Variants in GPR19 observed in about 807,000 individuals in gnomAD.
GPR19 encodes the protein probable G protein-coupled receptor 19.
GPR19 carries 14 observed loss-of-function variants against 28.5 expected under a neutral mutation model. That is an observed-to-expected ratio of 0.49 (90% confidence interval 0.32 to 0.77). The LOEUF (loss-of-function observed/expected upper bound fraction) is 0.77, where lower values mean the gene tolerates loss of function less well. GPR19 is among the 30% of genes least tolerant of loss of function. The pLI is 0.03. For missense variants in GPR19, 409 were observed against 504.1 expected (o/e 0.81, Z 1.81); for synonymous variants, 173 against 184.1 (o/e 0.94, Z 0.49).
chr12:12,689,190 T>C (rs773503632), intron 2 of GPR19, among the ~76,000 whole-genome samples: 1 of 152,170 alleles, frequency 6.6e-6, no homozygotes, highest in Non-Finnish European at 1.5e-5. Flanking sequence ...TCACTCACTA[T>C]AGTAAGAACA....
At chr12:12,710,208 C>G in the GPR19 span, among the ~76,000 whole-genome samples, 1 of 152,080 alleles carries the variant, frequency 6.6e-6, no homozygotes, top group East Asian at 1.9e-4. Flanking sequence ...AAAAAATTAG[C>G]TGGGCCTGGT....
chr12:12,691,626 T>C (rs1258412984), intron 2 of GPR19, among the ~76,000 whole-genome samples: 1 of 152,262 alleles, frequency 6.6e-6, no homozygotes, highest in Non-Finnish European at 1.5e-5. Flanking sequence ...ATATGTCATA[T>C]TGCATTGACT....
intron 2 of GPR19, among the ~76,000 whole-genome samples, chr12:12,686,923 T>A (rs1490763815): frequency 6.6e-6 from 1 of 152,144 alleles, no homozygotes; most frequent in Non-Finnish European, 1.5e-5. Flanking sequence ...TTGTAAGGAG[T>A]CATAACCCAA....
intron 3 of GPR19, among the ~76,000 whole-genome samples, chr12:12,664,003 C>CT (rs968481122): frequency 7.9e-5 from 12 of 151,804 alleles, no homozygotes; most frequent in African/African-American, 1.9e-4. Flanking sequence ...CTAATATTTT[C>CT]TTTTTTTTGA....
chr12:12,698,987 A>G (rs1480710434), upstream of GPR19, among the ~76,000 whole-genome samples: 1 of 152,182 alleles, frequency 6.6e-6, no homozygotes, highest in Non-Finnish European at 1.5e-5. Flanking sequence ...AGGGAAGATG[A>G]AAAATTTGGT....
upstream of GPR19, among the ~76,000 whole-genome samples, chr12:12,697,851 C>G (rs74061761): frequency 0.028 from 4,321 of 152,142 alleles, 197 homozygotes; most frequent in African/African-American, 0.098. Flanking sequence ...TGAGAAGTAA[C>G]TTTAAAATTC....
intron 3 of GPR19, among the ~76,000 whole-genome samples, chr12:12,676,111 C>A (rs1945927375): frequency 6.6e-6 from 1 of 152,044 alleles, no homozygotes; most frequent in African/African-American, 2.4e-5. Context: ...ATTAGAAAAC[C>A]AAAAATCTTA....
intron 3 of GPR19, among the ~76,000 whole-genome samples, chr12:12,673,882 G>A (rs1209148004): frequency 6.6e-6 from 1 of 152,070 alleles, no homozygotes; most frequent in African/African-American, 2.4e-5. Context: ...GCACATTTAT[G>A]TTTTAAAAAT....
the GPR19 span, chr12:12,716,843 G>GT: frequency 1.0e-6 from 1 of 984,592 alleles, no homozygotes; most frequent in Non-Finnish European, 1.2e-6. Flanking sequence ...CCGGCGGGGG[G>GT]GCGCCCAGCC....
intron 3 of GPR19, among the ~76,000 whole-genome samples, chr12:12,673,930 G>A (rs773529402): frequency 6.6e-6 from 1 of 152,060 alleles, no homozygotes. Flanking sequence ...AAGCATAGAA[G>A]CAGGGAGAAT....
At chr12:12,706,480 A>G in the GPR19 span, among the ~76,000 whole-genome samples, 1 of 152,190 alleles carries the variant, frequency 6.6e-6, no homozygotes, top group Non-Finnish European at 1.5e-5. Context: ...TAGCTTTAAT[A>G]TCATCTGAAT....
chr12:12,696,767 C>T (rs1946269093), upstream of GPR19, among the ~76,000 whole-genome samples: 1 of 152,318 alleles, frequency 6.6e-6, no homozygotes, highest in South Asian at 2.1e-4. Context: ...TGGTTTGCTC[C>T]CTTGACGTGT....
intron 2 of GPR19, among the ~76,000 whole-genome samples, chr12:12,690,909 T>C (rs1230129169): frequency 6.6e-6 from 1 of 152,116 alleles, no homozygotes; most frequent in Non-Finnish European, 1.5e-5. Context: ...TTGAGCAAGT[T>C]GGAAGTTTAA....
chr12:12,713,541 T>G, the GPR19 span, among the ~76,000 whole-genome samples: 2 of 151,662 alleles, frequency 1.3e-5, no homozygotes, highest in Non-Finnish European at 2.9e-5. Context: ...GCCACCTTTT[T>G]TGTGTGTGTG....
chr12:12,663,647 A>C (rs1284427217), intron 3 of GPR19, among the ~76,000 whole-genome samples: 1 of 152,222 alleles, frequency 6.6e-6, no homozygotes, highest in Non-Finnish European at 1.5e-5. Flanking sequence ...ACAGATTATA[A>C]AGGCTTAATT....
the GPR19 span, chr12:12,717,095 G>T: frequency 7.9e-6 from 8 of 1,011,338 alleles, no homozygotes; most frequent in Non-Finnish European, 8.3e-6. Flanking sequence ...CCAGGTTCCC[G>T]GCCGTTTGGC....
upstream of GPR19, among the ~76,000 whole-genome samples, chr12:12,699,273 T>C (rs1592273640): frequency 6.6e-6 from 1 of 151,194 alleles, no homozygotes; most frequent in African/African-American, 2.4e-5. Flanking sequence ...ACCTGGGAGG[T>C]GGAGGTTGCA....
intron 3 of GPR19, among the ~76,000 whole-genome samples, chr12:12,677,787 A>G (rs1286300214): frequency 1.3e-5 from 2 of 151,708 alleles, no homozygotes; most frequent in Non-Finnish European, 2.9e-5. Context: ...CAAATCACCT[A>G]TGCTGGCTAG....
chr12:12,698,307 T>C (rs1252129798), upstream of GPR19, among the ~76,000 whole-genome samples: 1 of 152,236 alleles, frequency 6.6e-6, no homozygotes, highest in East Asian at 1.9e-4. Context: ...TCAGAAAATA[T>C]ACTTACCAAA....
Sources: allele counts gnomAD v4.1 joint callset (sites outside exome capture counted in the v4.1 genomes callset), GRCh38; gene constraint gnomAD v4.1.1; transcripts MANE v1.5; gene names NCBI Gene and HGNC (gene_info 2026-07-23, HGNC 2026-07-21).